Variants in ZNF160 observed in about 807,000 individuals in gnomAD.
The protein encoded by ZNF160 is zinc finger protein 160.
Under a neutral mutation model 13.1 loss-of-function variants are expected in ZNF160, and 9 were observed. The ratio of observed to expected loss-of-function variants is 0.69; its 90% confidence interval spans 0.41 to 1.20. The LOEUF (loss-of-function observed/expected upper bound fraction) is 1.20. ZNF160 is among the 50% of genes most tolerant of loss of function. ZNF160 has a pLI of 0.01. For missense variants in ZNF160, 838 were observed against 988.0 expected, an observed-to-expected ratio of 0.85 and a Z score of 2.04; for synonymous variants, 293 against 333.2, an observed-to-expected ratio of 0.88 and a Z score of 1.31.
chr19:53,073,705 C>T (rs537706928), intron 5 of ZNF160, among the ~76,000 whole-genome samples: 1 of 152,312 alleles, frequency 6.6e-6, no homozygotes, highest in South Asian at 2.1e-4. Context: ...TGTTGTCCAT[C>T]ATGATAAAGA....
At chr19:53,090,313 A>C (rs1431826874) in intron 2 of ZNF160, among the ~76,000 whole-genome samples, 1 of 151,254 alleles carries the variant, frequency 6.6e-6, no homozygotes, top group Middle Eastern at 3.4e-3. Flanking sequence ...GCTTTTCTCT[A>C]TATTTCTCCA....
At chr19:53,093,022 G>C (rs1203046716) in intron 1 of ZNF160, among the ~76,000 whole-genome samples, 3 of 152,330 alleles carry the variant, frequency 2.0e-5, no homozygotes, top group African/African-American at 7.2e-5. Flanking sequence ...ATTAAATTGA[G>C]AATAGTAGGG....
chr19:53,070,103 T>G lies in ZNF160; in HGVS notation c.431A>C (p.Gln144Pro). The stretch of plus-strand genomic sequence containing the variant: ...GTAATTTCCTGTGTCATCTCTCCAT[T>G]GACACTCAAAATCATGCACATTTTT... Reference protein sequence around the residue: ...PQKNVHDFECQWRDDTGNYKG... With the variant: ...PQKNVHDFECPWRDDTGNYKG... Residue 144 changes from glutamine to proline, a missense_variant, in exon 6 of 6, where the codon CAA (glutamine) becomes CCA (proline). By Grantham distance (76) the Gln-to-Pro change is moderately conservative. Coordinates refer to ENST00000683776, the MANE Select transcript of ZNF160 (RefSeq NM_001322131.2). The G allele has an allele frequency of 6.2e-7, 1 of 1,614,168 alleles. No homozygotes were observed. Among genetic ancestry groups the G allele is most frequent in the Non-Finnish European group, 8.5e-7 (1 of 1,180,040 alleles).
Position 53,068,240 on chromosome 19 carries a change from T to A in ZNF160, c.2294A>T (p.Glu765Val), listed in dbSNP as rs768496301. ...TCTTACCCTAAAGGCTTTCCCACAC[T>A]CTGTACACCTGTAAGGTTTCTCCCC... ...HTGEKPYRCTECGKAFRVRSS... is the reference protein window; with the variant it reads ...HTGEKPYRCTVCGKAFRVRSS... Residue 765 changes from glutamate to valine, a missense_variant, in exon 6 of 6, where the codon GAG becomes GTG. Coordinates refer to ENST00000683776, the MANE Select transcript of ZNF160 (RefSeq NM_001322131.2). 14 of 1,614,066 alleles carry A rather than the reference T, an allele frequency of 8.7e-6. No individual in the cohort carries two copies. In the East Asian group the frequency reaches 1.8e-4, roughly 21 times the overall value.
At chr19:53,079,823 C>T (rs761174706) in intron 3 of ZNF160, among the ~76,000 whole-genome samples, 13 of 152,002 alleles carry the variant, frequency 8.6e-5, no homozygotes, top group Non-Finnish European at 1.6e-4. Flanking sequence ...CAGTAGTTTG[C>T]ACCTGTAATC....
Position 53,074,231 on chromosome 19 carries a change from C to A in ZNF160, c.180G>T (p.Leu60Phe), listed in dbSNP as rs932525901. Residue 60 changes from leucine (L) to phenylalanine (F), a missense_variant, in exon 5 of 6, where the codon TTG (leucine) becomes TTT (phenylalanine). Leu to Phe is a conservative substitution (Grantham distance 22). Around this residue, in one of 3 missense-constraint regions of ZNF160, gnomAD observed 387 missense variants for 402.3 expected, o/e 0.96. Transcript: ENST00000683776. The stretch of plus-strand genomic sequence containing the variant: ...CAGTCCAGGGCTCTTTCCCTTCCTC[C>A]AACATGGAGATAATATTCATATCAA... ...CHFDMNIISM[L>F]EEGKEPWTVK... 2.5e-6 allele frequency: 4 copies of A among 1,613,976 alleles called. No homozygotes were observed. Among genetic ancestry groups the A allele is most frequent in the Admixed American group, 1.7e-5 (1 of 59,990 alleles).
intron 3 of ZNF160, among the ~76,000 whole-genome samples, chr19:53,082,694 T>C (rs1037997539): frequency 2.6e-5 from 4 of 152,062 alleles, no homozygotes; most frequent in African/African-American, 9.7e-5. Context: ...AAACAAATAA[T>C]AAATAAACAG....
intron 1 of ZNF160, among the ~76,000 whole-genome samples, chr19:53,092,972 T>C (rs1004024959): frequency 1.3e-5 from 2 of 152,346 alleles, no homozygotes; most frequent in African/African-American, 2.4e-5. Flanking sequence ...TGGACTTCCA[T>C]GATCCCAAGC....
chr19:53,084,449 G>T (rs917881291), intron 3 of ZNF160, among the ~76,000 whole-genome samples: 17 of 152,178 alleles, frequency 1.1e-4, no homozygotes, highest in Non-Finnish European at 2.1e-4. Flanking sequence ...TCTGCAAGCA[G>T]CGAGCAACTG....
chr19:53,068,288 G>C lies in ZNF160; in HGVS notation c.2246C>G (p.Ala749Gly), dbSNP rs765806086. 1.2e-6 allele frequency: 2 copies of C among 1,614,018 alleles called. No individual in the cohort carries two copies. ...CCCAGTATGAATTCTTCGGTGATTT[G>C]CCAGGTGAGCATTTTGAGTAAAGAC... ...GKVFTQNAHL[A>G]NHRRIHTGEK... The change falls in exon 6 of 6, where the codon GCA becomes GGA. Residue 749 changes from alanine (A) to glycine (G), a missense_variant. By Grantham distance (60) the Ala-to-Gly change is moderately conservative. Transcript: ENST00000683776.
intron 2 of ZNF160, among the ~76,000 whole-genome samples, chr19:53,088,505 T>C (rs1232157395): frequency 6.6e-6 from 1 of 151,780 alleles, no homozygotes; most frequent in Admixed American, 6.6e-5. Flanking sequence ...AGATCCTGTC[T>C]CTATATTTTT....
chr19:53,082,629 G>A (rs911745231), intron 3 of ZNF160, among the ~76,000 whole-genome samples: 6 of 152,182 alleles, frequency 3.9e-5, no homozygotes, highest in African/African-American at 1.2e-4. Flanking sequence ...GTGATCACAC[G>A]ACTGGACTCC....
At chr19:53,096,775 ATCACCCGCC>A in intron 1 of ZNF160, among the ~76,000 whole-genome samples, 1 of 128,000 alleles carries the variant, frequency 7.8e-6, no homozygotes, top group Admixed American at 7.6e-5. Flanking sequence ...CTCTCCCTCA[ATCACCCGCC>A]TGGGGAAGCA....
At chr19:53,091,032 A>C (rs1030602300) in intron 2 of ZNF160, 1 of 152,152 alleles carries the variant, frequency 6.6e-6, no homozygotes, top group Non-Finnish European at 1.5e-5. Context: ...TGAAAGAGCC[A>C]TGAGGGGATA....
chr19:53,102,562 T>C (rs771310242), intron 1 of ZNF160, among the ~76,000 whole-genome samples: 23 of 152,230 alleles, frequency 1.5e-4, no homozygotes, highest in Admixed American at 2.6e-4. Flanking sequence ...CCTGCTACTT[T>C]CTTGACTGCT....
chr19:53,074,167 G>T lies in ZNF160; in HGVS notation c.244C>A (p.Pro82Thr). Residue 82 changes from proline to threonine, a missense_variant, in exon 5 of 6, where the codon CCG (proline) becomes ACG (threonine). Around this residue, in one of 3 missense-constraint regions of ZNF160, gnomAD observed 387 missense variants for 402.3 expected, o/e 0.96. Coordinates refer to ENST00000683776, the MANE Select transcript of ZNF160 (RefSeq NM_001322131.2). The part of the protein sequence containing the change: ...CVKIARKPRT[P>T]ECVKGVVTDI... ...GTGACCACGCCTTTGACACATTCCG[G>T]CGTTCTTGGTTTTCTTGCTATTTTC... The T allele has an allele frequency of 6.2e-7, 1 of 1,613,780 alleles. No individual in the cohort carries two copies. Among genetic ancestry groups the T allele is most frequent in the East Asian group, 2.2e-5 (1 of 44,848 alleles).
chr19:53,102,232 C>G (rs942338786), intron 1 of ZNF160, among the ~76,000 whole-genome samples: 6 of 152,136 alleles, frequency 3.9e-5, no homozygotes, highest in Non-Finnish European at 7.3e-5. Context: ...CTGCCTCTTT[C>G]TTACCCCATC....
chr19:53,090,391 C>A (rs2084990723), intron 2 of ZNF160, among the ~76,000 whole-genome samples: 1 of 152,340 alleles, frequency 6.6e-6, no homozygotes. Flanking sequence ...AAATTCCCCA[C>A]CCATCCTCTG....
intron 1 of ZNF160, among the ~76,000 whole-genome samples, chr19:53,099,831 C>T (rs1311920198): frequency 1.3e-5 from 2 of 152,084 alleles, no homozygotes; most frequent in Admixed American, 6.6e-5. Flanking sequence ...TTACTGAGGG[C>T]TAGACGGGGA....
Sources: gnomAD v4.1 joint callset for allele counts (sites outside exome capture counted in the v4.1 genomes callset) on GRCh38, gnomAD v4.1.1 for gene constraint, gnomAD v4.1.1 regional missense constraint, MANE v1.5 for transcripts, NCBI Gene and HGNC (gene_info 2026-07-23, HGNC 2026-07-21) for gene names.